The following SIMC1 variants were observed in gnomAD, a reference collection of about 807,000 sequenced individuals.
The protein encoded by SIMC1 is SUMO-interacting motif-containing protein 1.
In SIMC1, 55 loss-of-function variants were observed where a neutral mutation model predicts 82.3. That is an observed-to-expected ratio of 0.67 (90% CI 0.54 to 0.84). SIMC1 has a LOEUF of 0.84. SIMC1 is among the 40% of genes least tolerant of loss of function. The pLI, the probability that SIMC1 is intolerant of heterozygous loss-of-function variation, is 0.00. For synonymous variants in SIMC1, 353 were observed against 426.3 expected, an observed-to-expected ratio of 0.83 and a Z score of 2.12; for missense variants, 915 against 1,107.2, an observed-to-expected ratio of 0.83 and a Z score of 2.46.
chr5:176,329,159 C>T (rs999800701), intron 7 of SIMC1, among the ~76,000 whole-genome samples: 9 of 151,944 alleles, frequency 5.9e-5, no homozygotes, highest in Middle Eastern at 3.4e-3. Flanking sequence ...TTTTTATGAC[C>T]GTCACCGCAG....
intron 1 of SIMC1, among the ~76,000 whole-genome samples, chr5:176,272,900 A>G (rs961108562): frequency 6.6e-6 from 1 of 152,186 alleles, no homozygotes; most frequent in African/African-American, 2.4e-5. Flanking sequence ...GGTGCCTGCC[A>G]TTGCTGAGGC....
intron 5 of SIMC1, among the ~76,000 whole-genome samples, chr5:176,314,106 A>C (rs1401846557): frequency 6.6e-6 from 1 of 152,082 alleles, no homozygotes; most frequent in Non-Finnish European, 1.5e-5. Flanking sequence ...ATCTCTACTA[A>C]AAATATACAA....
At chr5:176,295,837 A>G (rs1359838735) in intron 3 of SIMC1, among the ~76,000 whole-genome samples, 1 of 151,776 alleles carries the variant, frequency 6.6e-6, no homozygotes, top group African/African-American at 2.4e-5. Context: ...TAGTCACCCA[A>G]GAGTTCTGAA....
intron 1 of SIMC1, among the ~76,000 whole-genome samples, chr5:176,284,534 G>GGGAA (rs1176371316): frequency 5.9e-5 from 9 of 152,140 alleles, no homozygotes; most frequent in African/African-American, 1.4e-4. Flanking sequence ...AGTGTGTAGA[G>GGGAA]GGAAATTTAT....
chr5:176,311,566 G>T (rs974610800), intron 4 of SIMC1, among the ~76,000 whole-genome samples: 1 of 151,272 alleles, frequency 6.6e-6, no homozygotes. Context: ...AAAAAAAAGA[G>T]AGAAAGAATT....
In SIMC1 at chr5:176,240,962, G is replaced by A. The variant is rs1761256680; in HGVS notation, c.129+2325G>A. 2.3e-5 allele frequency among the ~76,000 whole-genome samples: 2 copies of A among 87,524 alleles called. 1 individual carries two copies. The allele number at this position is 87,524 out of a possible 152,430, so 57.4% of individuals were successfully genotyped here. On this transcript the variant is annotated intron_variant, in intron 1 of 9. Transcript: ENST00000429602. The stretch of plus-strand genomic sequence containing the variant: ...GGCCTGTCCCTCTTGAGCTTCACAG[G>A]CAATGAAATAAAAGAAGCAACTTTT...
At chr5:176,242,605 A>G (rs1215676110) in intron 1 of SIMC1, among the ~76,000 whole-genome samples, 1 of 152,026 alleles carries the variant, frequency 6.6e-6, no homozygotes, top group African/African-American at 2.4e-5. Context: ...CTCTCTTGTA[A>G]GTGGACCCAT....
chr5:176,248,714 C>T (rs934191611), intron 1 of SIMC1, among the ~76,000 whole-genome samples: 6 of 152,058 alleles, frequency 3.9e-5, no homozygotes, highest in Non-Finnish European at 8.8e-5. Flanking sequence ...CCAGCTTTTA[C>T]CCATTCAGTA....
In SIMC1 at chr5:176,345,574, G is replaced by T; in HGVS notation, c.*129G>T. ...ACCTGCATTATTTAATCAGTAGGTT[G>T]TAATTTCTAACTCTAGTAAATATCT... On this transcript the variant is annotated 3_prime_UTR_variant, in exon 10 of 10. Transcript: ENST00000429602. The T allele has an allele frequency of 9.7e-7, 1 of 1,035,524 alleles. No individual in the cohort carries two copies. The highest frequency in any genetic ancestry group is 1.6e-5 in the African/African-American group (1 of 61,876). The allele number at this position is 1,035,524 out of a possible 1,614,324, so 64.1% of individuals were successfully genotyped here. A position where few individuals can be genotyped will look rare whatever the true frequency, so the allele number is the denominator to read the frequency against.
chr5:176,259,345 G>A (rs1383119912), intron 1 of SIMC1, among the ~76,000 whole-genome samples: 1 of 152,050 alleles, frequency 6.6e-6, no homozygotes, highest in African/African-American at 2.4e-5. Flanking sequence ...AGCTACTTGG[G>A]AGGCTGAGGA....
chr5:176,307,171 AT>A (rs1764461975), intron 4 of SIMC1, among the ~76,000 whole-genome samples: 2 of 152,332 alleles, frequency 1.3e-5, no homozygotes, highest in South Asian at 4.1e-4. Flanking sequence ...GTGGGCAAGA[AT>A]TTGGAGAAAT....
intron 4 of SIMC1, among the ~76,000 whole-genome samples, chr5:176,303,967 G>A (rs1764156598): frequency 6.6e-6 from 1 of 152,122 alleles, no homozygotes; most frequent in Non-Finnish European, 1.5e-5. Flanking sequence ...AAAGCATGGG[G>A]CAAAGCTTCA....
chr5:176,313,229 A>G, intron 4 of SIMC1: 1 of 1,299,654 alleles, frequency 7.7e-7, no homozygotes, highest in African/African-American at 1.5e-5. Flanking sequence ...GCAGCACAGG[A>G]GTCATTAAAG....
At chr5:176,251,054 G>C (rs1394979364) in intron 1 of SIMC1, among the ~76,000 whole-genome samples, 3 of 151,942 alleles carry the variant, frequency 2.0e-5, no homozygotes, top group Non-Finnish European at 2.9e-5. Context: ...TCATAGTGTT[G>C]ATGGTTTTTA....
intron 1 of SIMC1, among the ~76,000 whole-genome samples, chr5:176,254,927 A>G (rs1761798212): frequency 1.3e-5 from 2 of 152,206 alleles, no homozygotes; most frequent in African/African-American, 4.8e-5. Flanking sequence ...CTGTAAACTA[A>G]TAAGTAGCTT....
chr5:176,324,504 T>C (rs1765291424), intron 6 of SIMC1, 125 bp from the exon 7 acceptor site: 8 of 912,724 alleles, frequency 8.8e-6, no homozygotes, highest in Non-Finnish European at 1.2e-5. Context: ...TGACCTTGTG[T>C]GTGCTTTATA....
chr5:176,291,481 C>T (rs1312740835), intron 2 of SIMC1, among the ~76,000 whole-genome samples: 2 of 151,974 alleles, frequency 1.3e-5, no homozygotes, highest in African/African-American at 2.4e-5. Flanking sequence ...GGACTATAGG[C>T]GCCCGCTACC....
rs767159193 is a variant in SIMC1 at position 176,290,226 on chromosome 5, A to G, written c.702A>G (p.Pro234=). 4 of 1,612,676 alleles carry G rather than the reference A, an allele frequency of 2.5e-6. No homozygotes were observed. The highest frequency in any genetic ancestry group is 2.2e-5 in the East Asian group (1 of 44,852). The change falls in exon 2 of 10, where the codon CCA becomes CCG. Residue 234 remains proline, a synonymous_variant. Transcript: ENST00000429602. ...RPLPCPPRAS[P]CPPRASSCPP... is the part of the protein sequence containing the mutation. ...TGCCATGCCCACCGAGAGCCTCACC[A>G]TGTCCACCACGAGCCTCCTCATGCC...
intron 9 of SIMC1, among the ~76,000 whole-genome samples, chr5:176,344,468 T>TACACAC (rs57991528): frequency 5.8e-4 from 85 of 146,648 alleles, no homozygotes; most frequent in African/African-American, 1.7e-3. Context: ...GTCAGGAGTA[T>TACACAC]ACACACACAC....
Sources: allele counts gnomAD v4.1 joint callset (sites outside exome capture counted in the v4.1 genomes callset), GRCh38; gene constraint gnomAD v4.1.1; transcripts MANE v1.5; gene names NCBI Gene and HGNC (gene_info 2026-07-23, HGNC 2026-07-21).